The following TACR3 variants were observed in gnomAD, a reference collection of about 807,000 sequenced individuals.
The protein encoded by TACR3 is neuromedin-K receptor.
In TACR3, 34 loss-of-function variants were observed where a neutral mutation model predicts 35.0. The observed-to-expected ratio is 0.97, with a 90% CI of 0.74 to 1.30. TACR3 has a LOEUF of 1.30. TACR3 is among the 50% of genes most tolerant of loss of function. The pLI, the probability that TACR3 is intolerant of heterozygous loss-of-function variation, is 0.00. For missense variants in TACR3, 558 were observed against 591.7 expected, an observed-to-expected ratio of 0.94 and a Z score of 0.59; for synonymous variants, 233 against 221.1, an observed-to-expected ratio of 1.05 and a Z score of -0.48.
intron 3 of TACR3, among the ~76,000 whole-genome samples, chr4:103,638,093 A>G (rs1381762999): frequency 2.0e-5 from 3 of 152,314 alleles, no homozygotes; most frequent in Admixed American, 6.5e-5. Context: ...AAACTACTTT[A>G]AAGTTCATAT....
chr4:103,710,153 G>A (rs1217051130), intron 1 of TACR3, among the ~76,000 whole-genome samples: 2 of 152,094 alleles, frequency 1.3e-5, no homozygotes, highest in Non-Finnish European at 1.5e-5. Flanking sequence ...TGCACCAAGT[G>A]GACCTAATAG....
At chr4:103,709,803 T>C (rs1197705211) in intron 1 of TACR3, among the ~76,000 whole-genome samples, 1 of 151,600 alleles carries the variant, frequency 6.6e-6, no homozygotes, top group Non-Finnish European at 1.5e-5. Flanking sequence ...AATAAAGGGA[T>C]GGAGGAAGAT....
chr4:103,700,666 C>G (rs1434135678), intron 1 of TACR3, among the ~76,000 whole-genome samples: 2 of 152,076 alleles, frequency 1.3e-5, no homozygotes, highest in Non-Finnish European at 2.9e-5. Flanking sequence ...CAATTTATGT[C>G]AGACATCAAA....
At chr4:103,716,262 G>A (rs1372653082) in intron 1 of TACR3, among the ~76,000 whole-genome samples, 2 of 149,714 alleles carry the variant, frequency 1.3e-5, no homozygotes, top group Non-Finnish European at 3.0e-5. Context: ...TGTGTTGGAG[G>A]TATAGGGGTG....
At chr4:103,711,782 C>T (rs940929735) in intron 1 of TACR3, among the ~76,000 whole-genome samples, 2 of 152,130 alleles carry the variant, frequency 1.3e-5, no homozygotes, top group African/African-American at 2.4e-5. Context: ...AGCTGATAAG[C>T]AACTTCAGCA....
At chr4:103,674,058 C>A (rs1303793811) in intron 1 of TACR3, among the ~76,000 whole-genome samples, 1 of 152,082 alleles carries the variant, frequency 6.6e-6, no homozygotes, top group Admixed American at 6.6e-5. Flanking sequence ...GAAAGAAACT[C>A]CCAGGTAGGA....
intron 3 of TACR3, among the ~76,000 whole-genome samples, chr4:103,650,908 C>T (rs1392587604): frequency 2.8e-4 from 2 of 7,176 alleles, no homozygotes; most frequent in Admixed American, 3.5e-3. Context: ...ATATATATCT[C>T]ATATATAATA....
At chr4:103,632,676 A>G (rs764643051) in intron 3 of TACR3, among the ~76,000 whole-genome samples, 2 of 151,834 alleles carry the variant, frequency 1.3e-5, no homozygotes, top group Non-Finnish European at 2.9e-5. Context: ...GAAATAAAGA[A>G]AAAGAAATAT....
At chr4:103,636,671 C>T (rs1212821000) in intron 3 of TACR3, among the ~76,000 whole-genome samples, 5 of 151,590 alleles carry the variant, frequency 3.3e-5, no homozygotes, top group Admixed American at 3.3e-4. Context: ...AAAAGATCAA[C>T]AAAATTGATA....
intron 3 of TACR3, among the ~76,000 whole-genome samples, chr4:103,593,970 T>G (rs1376512323): frequency 1.3e-5 from 2 of 152,138 alleles, no homozygotes; most frequent in Admixed American, 6.6e-5. Flanking sequence ...ACTCAGAAAT[T>G]TTTTAAATGA....
At chr4:103,642,290 T>G (rs554421918) in intron 3 of TACR3, among the ~76,000 whole-genome samples, 19 of 147,122 alleles carry the variant, frequency 1.3e-4, no homozygotes, top group African/African-American at 4.6e-4. Context: ...GTGTATAAAA[T>G]TATTATTTGT....
chr4:103,590,119 A>G (rs1723862453), intron 4 of TACR3, 125 bp from the exon 5 acceptor site: 2 of 1,144,020 alleles, frequency 1.7e-6, no homozygotes. Flanking sequence ...GTTTTTAGCC[A>G]GACTCTTAGA....
At chr4:103,707,209 C>CCCT (rs1452343895) in intron 1 of TACR3, among the ~76,000 whole-genome samples, 2 of 152,172 alleles carry the variant, frequency 1.3e-5, no homozygotes, top group African/African-American at 4.8e-5. Context: ...TTCTTTAGCA[C>CCCT]TTAAGGAATG....
At chr4:103,614,677 G>A (rs1724593100) in intron 3 of TACR3, among the ~76,000 whole-genome samples, 1 of 152,050 alleles carries the variant, frequency 6.6e-6, no homozygotes, top group African/African-American at 2.4e-5. Context: ...TCTTATTAGT[G>A]AAGAAGAGAT....
At chr4:103,702,796 C>T (rs151216952) in intron 1 of TACR3, among the ~76,000 whole-genome samples, 5,268 of 150,146 alleles carry the variant, frequency 0.035, 117 homozygotes, top group Non-Finnish European at 0.055. Flanking sequence ...CAAACTATCA[C>T]AAGGACAAAA....
chr4:103,633,590 G>C (rs1374700499), intron 3 of TACR3, among the ~76,000 whole-genome samples: 1 of 152,006 alleles, frequency 6.6e-6, no homozygotes, highest in Non-Finnish European at 1.5e-5. Context: ...AGTCCCCAAA[G>C]TCCACTGTAC....
In TACR3 at chr4:103,587,275, G is replaced by A. The variant is rs543258472; in HGVS notation, c.*2407C>T. ...ATTTCACTCTTGTTTTATTATTGTC[G>A]TTTAAATTTTTGAACTTAAAAAATT... is the stretch of plus-strand genomic sequence containing the variant. On this transcript the variant is annotated 3_prime_UTR_variant, in exon 5 of 5. Transcript: ENST00000304883. 9.9e-5 allele frequency: 15 copies of A among 151,402 alleles called. No homozygotes were observed. Among genetic ancestry groups the A allele is most frequent in the South Asian group, 6.2e-4 (3 of 4,812 alleles). 9.4% of individuals were successfully genotyped at this position (151,402 alleles called of 1,614,324 possible).
At chr4:103,664,015 A>G (rs1374796718) in intron 1 of TACR3, among the ~76,000 whole-genome samples, 2 of 152,188 alleles carry the variant, frequency 1.3e-5, no homozygotes, top group Non-Finnish European at 2.9e-5. Context: ...AGACATTAGA[A>G]TCTCCTTAGT....
intron 1 of TACR3, among the ~76,000 whole-genome samples, chr4:103,695,822 T>C (rs1228179462): frequency 6.6e-6 from 1 of 152,056 alleles, no homozygotes; most frequent in Non-Finnish European, 1.5e-5. Flanking sequence ...TACTGTATAT[T>C]GTAGTTCGCC....
Sources: allele counts gnomAD v4.1 joint callset (sites outside exome capture counted in the v4.1 genomes callset), GRCh38; gene constraint gnomAD v4.1.1; transcripts MANE v1.5; gene names NCBI Gene and HGNC (gene_info 2026-07-23, HGNC 2026-07-21).